The following CTDSPL2 variants were observed in gnomAD, a reference collection of about 807,000 sequenced individuals.
CTDSPL2 encodes the protein CTD small phosphatase like 2.
CTDSPL2 carries 5 observed loss-of-function variants against 60.0 expected under a neutral mutation model. That is an observed-to-expected ratio of 0.08 (90% CI 0.04 to 0.18). The LOEUF (loss-of-function observed/expected upper bound fraction) is 0.18, where lower values mean the gene tolerates loss of function less well. CTDSPL2 is among the 10% of genes least tolerant of loss of function. The pLI, the probability that CTDSPL2 is intolerant of heterozygous loss-of-function variation, is 1.00. For missense variants in CTDSPL2, 370 were observed against 548.8 expected (o/e 0.67, Z 3.26); for synonymous variants, 186 against 189.3 (o/e 0.98, Z 0.14).
chr15:44,460,333 C>T (rs146599094), intron 2 of CTDSPL2, among the ~76,000 whole-genome samples: 169 of 152,260 alleles, frequency 1.1e-3, no homozygotes, highest in African/African-American at 3.9e-3. Context: ...TGGTCTTGAT[C>T]TCCTGACCTT....
At chr15:44,433,349 A>G (rs2079901547) in intron 1 of CTDSPL2, among the ~76,000 whole-genome samples, 1 of 150,478 alleles carries the variant, frequency 6.6e-6, no homozygotes, top group South Asian at 2.1e-4. Flanking sequence ...AAAAAAAAAA[A>G]GGACAAAAAA....
At chr15:44,468,218 A>G (rs536546766) in intron 2 of CTDSPL2, among the ~76,000 whole-genome samples, 1 of 152,148 alleles carries the variant, frequency 6.6e-6, no homozygotes, top group East Asian at 1.9e-4. Context: ...CTTTTACTGT[A>G]ATTTAGTTTC....
chr15:44,442,865 A>C (rs187944821), intron 1 of CTDSPL2, among the ~76,000 whole-genome samples: 100 of 151,772 alleles, frequency 6.6e-4, no homozygotes, highest in Admixed American at 3.0e-3. Flanking sequence ...AGTCCCAGCT[A>C]CTCTGTAGGC....
chr15:44,476,108 G>A lies in CTDSPL2; in HGVS notation c.187-8116G>A, dbSNP rs1331800704. On this transcript the variant is annotated intron_variant, in intron 2 of 12. Coordinates refer to ENST00000260327, the MANE Select transcript of CTDSPL2 (RefSeq NM_016396.3). Reference sequence around the variant, plus strand: ...TTTGAGATGGAGTCTTCGCTCTGTCGCCCAGGCTGGAGTGCAGTGGCACGA... The same window carrying A: ...TTTGAGATGGAGTCTTCGCTCTGTCACCCAGGCTGGAGTGCAGTGGCACGA... Among the ~76,000 whole-genome samples, 5 of 151,966 alleles carry A rather than the reference G, an allele frequency of 3.3e-5. No individual in the cohort carries two copies. The South Asian group carries it at 6.2e-4, about 19-fold the overall frequency.
chr15:44,517,068 G>A (rs2081666309), intron 10 of CTDSPL2, among the ~76,000 whole-genome samples: 1 of 151,608 alleles, frequency 6.6e-6, no homozygotes, highest in Admixed American at 6.6e-5. Context: ...TGGAACTCCT[G>A]ACCTCGTGAT....
chr15:44,437,513 A>G (rs1394260846), intron 1 of CTDSPL2, among the ~76,000 whole-genome samples: 1 of 152,234 alleles, frequency 6.6e-6, no homozygotes, highest in East Asian at 1.9e-4. Context: ...CTTATGAGGA[A>G]GAAACTTTTA....
At chr15:44,458,942 ATT>A (rs2080504370) in intron 1 of CTDSPL2, 47 bp from the exon 2 acceptor site, 1 of 1,268,918 alleles carries the variant, frequency 7.9e-7, no homozygotes, top group African/African-American at 1.6e-5. Flanking sequence ...AGAAGGTTGA[ATT>A]TAATAACTTT....
Position 44,468,937 on chromosome 15 carries a change from T to C in CTDSPL2, c.186+9737T>C, listed in dbSNP as rs142053400. ...CCCGAGTATCCATATGTATATGCTG[T>C]ACTCCTGTTAGTCACTTAGTAGCTT... On this transcript the variant is annotated intron_variant, in intron 2 of 12. Coordinates refer to ENST00000260327, the MANE Select transcript of CTDSPL2 (RefSeq NM_016396.3). Among the ~76,000 whole-genome samples, 341 of 152,326 alleles carry C rather than the reference T, an allele frequency of 2.2e-3. 1 individual carries two copies. The highest frequency in any genetic ancestry group is 7.9e-3 in the African/African-American group (329 of 41,570).
At chr15:44,516,237 G>A (rs1014346688) in intron 10 of CTDSPL2, among the ~76,000 whole-genome samples, 1 of 151,954 alleles carries the variant, frequency 6.6e-6, no homozygotes, top group Non-Finnish European at 1.5e-5. Flanking sequence ...CAAACTGCTG[G>A]CATTACAGGC....
intron 2 of CTDSPL2, among the ~76,000 whole-genome samples, chr15:44,479,065 A>C (rs556046392): frequency 1.2e-3 from 179 of 151,324 alleles, no homozygotes; most frequent in East Asian, 5.2e-3. Flanking sequence ...TCTTTAAAAA[A>C]AAACAAACAA....
chr15:44,465,744 T>TG (rs2080673520), intron 2 of CTDSPL2, among the ~76,000 whole-genome samples: 1 of 148,196 alleles, frequency 6.7e-6, no homozygotes, highest in Non-Finnish European at 1.5e-5. Flanking sequence ...GATGGAGTCT[T>TG]GCTCTGTCGC....
At chr15:44,484,486 A>C in intron 3 of CTDSPL2, 124 bp downstream of exon 3, 1 of 919,684 alleles carries the variant, frequency 1.1e-6, no homozygotes, top group Non-Finnish European at 1.6e-6. Context: ...TGTAATCCTC[A>C]CATTTTGGGA....
At chr15:44,519,563 T>C (rs2081721128) in intron 11 of CTDSPL2, 1 of 265,512 alleles carries the variant, frequency 3.8e-6, no homozygotes, top group Admixed American at 5.7e-5. Context: ...TATCAGTTAT[T>C]AAATCAGTAA....
chr15:44,496,226 G>C (rs3986143), intron 5 of CTDSPL2, among the ~76,000 whole-genome samples, 154 bp from the exon 6 acceptor site: 1 of 152,030 alleles, frequency 6.6e-6, no homozygotes, highest in African/African-American at 2.4e-5. Flanking sequence ...AGTTAGATCT[G>C]TATGTTAATA....
intron 1 of CTDSPL2, among the ~76,000 whole-genome samples, chr15:44,434,175 G>C (rs1050589295): frequency 6.6e-6 from 1 of 151,966 alleles, no homozygotes; most frequent in African/African-American, 2.4e-5. Flanking sequence ...GCCAAGATGG[G>C]CAGATCATGA....
intron 1 of CTDSPL2, 109 bp downstream of exon 1, chr15:44,427,881 C>G (rs2079778124): frequency 2.6e-6 from 1 of 390,844 alleles, no homozygotes; most frequent in Admixed American, 4.4e-5. Context: ...CCTCCAGCGG[C>G]TCTGGCGCCT....
At chr15:44,464,718 T>C (rs2080648141) in intron 2 of CTDSPL2, among the ~76,000 whole-genome samples, 1 of 152,114 alleles carries the variant, frequency 6.6e-6, no homozygotes, top group Non-Finnish European at 1.5e-5. Flanking sequence ...TTTTTGTGCG[T>C]GTATGTGAGA....
chr15:44,433,662 TTC>T (rs1317639616), intron 1 of CTDSPL2, among the ~76,000 whole-genome samples: 3 of 152,002 alleles, frequency 2.0e-5, no homozygotes, highest in African/African-American at 4.8e-5. Flanking sequence ...TTTGTATTTT[TTC>T]TGTTTGTTTT....
chr15:44,444,202 G>A (rs59230801), intron 1 of CTDSPL2, among the ~76,000 whole-genome samples: 15,043 of 151,358 alleles, frequency 0.099, 1,548 homozygotes, highest in African/African-American at 0.24. Flanking sequence ...AAAATTTTGG[G>A]TTTTGACACC....
Sources: gnomAD v4.1 joint callset for allele counts (sites outside exome capture counted in the v4.1 genomes callset) on GRCh38, gnomAD v4.1.1 for gene constraint, MANE v1.5 for transcripts, NCBI Gene and HGNC (gene_info 2026-07-23, HGNC 2026-07-21) for gene names.